MICU2: variants seen among roughly 807,000 people sequenced by gnomAD.
MICU2 encodes the protein mitochondrial calcium uptake 2.
A neutral mutation model predicts 60.4 loss-of-function variants in MICU2; 64 were observed. The ratio of observed to expected loss-of-function variants is 1.06; its 90% CI spans 0.87 to 1.31. MICU2 has a LOEUF of 1.31. MICU2 is among the 50% of genes most tolerant of loss of function. The pLI, the probability that MICU2 is intolerant of heterozygous loss-of-function variation, is 0.00. For synonymous variants in MICU2, 201 were observed against 175.0 expected, an observed-to-expected ratio of 1.15 and a Z score of -1.17; for missense variants, 569 against 531.0, an observed-to-expected ratio of 1.07 and a Z score of -0.70.
chr13:21,590,486 T>A (rs1888554938), intron 1 of MICU2, among the ~76,000 whole-genome samples: 2 of 152,224 alleles, frequency 1.3e-5, no homozygotes, highest in South Asian at 4.1e-4. Context: ...CTTCTCTTTG[T>A]GGTCACTTTC....
Position 21,576,346 on chromosome 13 carries a change from A to G in MICU2, c.211-9402T>C, listed in dbSNP as rs142228016. Among the ~76,000 whole-genome samples the G allele has an allele frequency of 6.4e-3, 969 of 152,238 alleles. 4 individuals are homozygous for G. Among genetic ancestry groups the G allele is most frequent in the Middle Eastern group, 0.01 (3 of 294 alleles). ...CTGTGATATAAGCTCTAATTTCAGG[A>G]ATCTTATGTACCCATGCAAAAAGAC... On this transcript the variant is annotated intron_variant, in intron 1 of 11. Transcript: ENST00000382374.
chr13:21,495,395 G>C, intron 10 of MICU2, 77 bp from the exon 11 acceptor site: 1 of 1,326,510 alleles, frequency 7.5e-7, no homozygotes, highest in Non-Finnish European at 9.9e-7. Flanking sequence ...TTCATTATTT[G>C]AGAAGTAAAA....
At chr13:21,568,958 C>T (rs574109649) in intron 1 of MICU2, among the ~76,000 whole-genome samples, 22 of 151,906 alleles carry the variant, frequency 1.4e-4, no homozygotes, top group African/African-American at 5.3e-4. Context: ...TTTGAAGAGG[C>T]TTCAGTCAGT....
At chr13:21,571,488 G>A (rs1888107900) in intron 1 of MICU2, among the ~76,000 whole-genome samples, 1 of 152,186 alleles carries the variant, frequency 6.6e-6, no homozygotes, top group South Asian at 2.1e-4. Flanking sequence ...ACGAGGTCAG[G>A]AGATTGAGAC....
intron 2 of MICU2, among the ~76,000 whole-genome samples, chr13:21,549,350 C>A (rs1887496297): frequency 6.6e-6 from 1 of 152,064 alleles, no homozygotes; most frequent in Non-Finnish European, 1.5e-5. Flanking sequence ...AGATGAGCCC[C>A]AAATCAGATT....
chr13:21,603,928 T>C lies in MICU2; in HGVS notation c.210+11A>G, dbSNP rs1170974217. On this transcript the variant is annotated intron_variant, in intron 1 of 11. Transcript: ENST00000382374. ...CTTGACTGGGGCTAGCAGAAGGAGT[T>C]AGTCCTGTACCTGTGCGGAGACTGT... The C allele has an allele frequency of 6.2e-7, 1 of 1,611,444 alleles. No individual in the cohort carries two copies.
intron 4 of MICU2, among the ~76,000 whole-genome samples, chr13:21,534,981 A>G (rs911882725): frequency 2.0e-5 from 3 of 152,218 alleles, no homozygotes; most frequent in African/African-American, 7.2e-5. Context: ...CACTTGAGGC[A>G]CTACCAGGAG....
In MICU2 at chr13:21,539,385, T is replaced by A. The variant is rs765538662; in HGVS notation, c.391-8A>T. 12 of 1,609,632 alleles carry A rather than the reference T, an allele frequency of 7.5e-6. No homozygotes were observed. The South Asian group carries it at 1.3e-4, about 18-fold the overall frequency. On this transcript the variant is annotated splice_polypyrimidine_tract_variant and splice_region_variant and intron_variant, in intron 3 of 11. Coordinates refer to ENST00000382374, the MANE Select transcript of MICU2 (RefSeq NM_152726.3). ...CAGTGTATCCTCGATGTCCTTTGAA[T>A]ACACATATTAAAATTAAACTTCTAA...
At chr13:21,549,775 G>A (rs924712769) in intron 2 of MICU2, among the ~76,000 whole-genome samples, 1 of 151,936 alleles carries the variant, frequency 6.6e-6, no homozygotes, top group Admixed American at 6.6e-5. Flanking sequence ...TGAACATGGT[G>A]GAGAAATATA....
At chr13:21,577,332 C>T (rs1566166917) in intron 1 of MICU2, among the ~76,000 whole-genome samples, 1 of 152,022 alleles carries the variant, frequency 6.6e-6, no homozygotes, top group Non-Finnish European at 1.5e-5. Context: ...TATAGCCTCC[C>T]TTTTTAATTT....
chr13:21,498,323 A>G (rs1886051663), intron 9 of MICU2, among the ~76,000 whole-genome samples: 1 of 150,340 alleles, frequency 6.7e-6, no homozygotes, highest in Non-Finnish European at 1.5e-5. Flanking sequence ...CATTCCCCAG[A>G]CATGAGTTAC....
chr13:21,507,605 GA>G (rs1331782610), intron 8 of MICU2, among the ~76,000 whole-genome samples: 2 of 149,178 alleles, frequency 1.3e-5, no homozygotes, highest in African/African-American at 5.0e-5. Flanking sequence ...CAGAAACTTA[GA>G]TTTTTTTTTT....
rs188377109 is a variant in MICU2 at position 21,534,858 on chromosome 13, A to G, written c.466+4444T>C. Reference sequence around the variant, plus strand: ...AACAAAATACAAAAAATGAGAAAGCATAAGACTGTTTATTGGTTTCACAGA... The same window carrying G: ...AACAAAATACAAAAAATGAGAAAGCGTAAGACTGTTTATTGGTTTCACAGA... On this transcript the variant is annotated intron_variant, in intron 4 of 11. Transcript: ENST00000382374. 1.7e-3 allele frequency among the ~76,000 whole-genome samples: 264 copies of G among 152,348 alleles called. 3 individuals are homozygous for G. Among genetic ancestry groups the G allele is most frequent in the African/African-American group, 6.2e-3 (256 of 41,594 alleles).
intron 4 of MICU2, among the ~76,000 whole-genome samples, chr13:21,538,374 A>T (rs966191399): frequency 6.6e-6 from 1 of 151,920 alleles, no homozygotes; most frequent in East Asian, 1.9e-4. Context: ...GTTTGAGTCC[A>T]GCCTGAGCAA....
intron 2 of MICU2, among the ~76,000 whole-genome samples, chr13:21,559,237 T>G (rs1307844996): frequency 6.6e-6 from 1 of 152,192 alleles, no homozygotes; most frequent in Non-Finnish European, 1.5e-5. Context: ...AAGTCGACCA[T>G]CTAAGTTTGT....
At chr13:21,553,564 A>T (rs1409193446) in intron 2 of MICU2, among the ~76,000 whole-genome samples, 1 of 152,206 alleles carries the variant, frequency 6.6e-6, no homozygotes, top group African/African-American at 2.4e-5. Context: ...AACTGGTACC[A>T]GCCACTGCAA....
intron 2 of MICU2, among the ~76,000 whole-genome samples, chr13:21,564,096 C>T (rs1887916867): frequency 6.6e-6 from 1 of 152,176 alleles, no homozygotes. Context: ...TCCATTGGAG[C>T]CCTTAGCATA....
At chr13:21,587,159 GGA>G (rs1032470759) in intron 1 of MICU2, among the ~76,000 whole-genome samples, 1 of 152,136 alleles carries the variant, frequency 6.6e-6, no homozygotes. Context: ...CCAGCTTTCA[GGA>G]GACTGGTTAC....
intron 2 of MICU2, among the ~76,000 whole-genome samples, chr13:21,559,209 C>T (rs1887780126): frequency 6.6e-6 from 1 of 152,204 alleles, no homozygotes; most frequent in African/African-American, 2.4e-5. Context: ...AATGGAGTTA[C>T]TCATGCTGCC....
Sources: allele counts gnomAD v4.1 joint callset (sites outside exome capture counted in the v4.1 genomes callset), GRCh38; gene constraint gnomAD v4.1.1; transcripts MANE v1.5; gene names NCBI Gene and HGNC (gene_info 2026-07-23, HGNC 2026-07-21).